TMEM117: variants seen among roughly 807,000 people sequenced by gnomAD.
TMEM117 encodes transmembrane protein 117.
In TMEM117, 27 loss-of-function variants were observed where a neutral mutation model predicts 52.4. The observed-to-expected ratio is 0.51, with a 90% confidence interval of 0.38 to 0.71. The LOEUF is 0.71. Ranked by LOEUF, TMEM117 falls within the 30% of genes least tolerant of loss-of-function variation. The pLI is 0.00. For synonymous variants in TMEM117, 215 were observed against 206.3 expected (o/e 1.04, Z -0.36); for missense variants, 556 against 630.5 (o/e 0.88, Z 1.26).
At chr12:43,965,415 G>A (rs1945468165) in intron 3 of TMEM117, among the ~76,000 whole-genome samples, 1 of 152,168 alleles carries the variant, frequency 6.6e-6, no homozygotes, top group African/African-American at 2.4e-5. Context: ...GCACTAGACT[G>A]GAAAATTGTA....
Position 43,844,739 on chromosome 12 carries a change from T to C in TMEM117, c.88T>C (p.Phe30Leu). The change falls in exon 2 of 8, where the codon TTT (phenylalanine) becomes CTT (leucine). Residue 30 changes from phenylalanine to leucine, a missense_variant. Coordinates refer to ENST00000266534, the MANE Select transcript of TMEM117 (RefSeq NM_032256.3). The stretch of plus-strand genomic sequence containing the variant: ...GGTGATCTTCTTTAACTTCTTAATA[T>C]TTGCGGAGGACCCAGTTTCTCATAG... Reference protein sequence around the residue: ...YLVIFFNFLIFAEDPVSHSQT... With the variant: ...YLVIFFNFLILAEDPVSHSQT... 6.2e-7 allele frequency: 1 copy of C among 1,614,166 alleles called. No individual in the cohort carries two copies. The highest frequency in any genetic ancestry group is 1.1e-5 in the South Asian group (1 of 91,074).
intron 6 of TMEM117, among the ~76,000 whole-genome samples, chr12:44,332,600 T>A: frequency 6.6e-6 from 1 of 152,096 alleles, no homozygotes; most frequent in Admixed American, 6.6e-5. Flanking sequence ...TTTCATAGAA[T>A]TAGGAGAAGT....
At chr12:44,025,982 AGAT>A (rs1385382757) in intron 3 of TMEM117, among the ~76,000 whole-genome samples, 6 of 152,236 alleles carry the variant, frequency 3.9e-5, no homozygotes, top group African/African-American at 1.4e-4. Context: ...TCTCATTCAA[AGAT>A]GACTGTAGTT....
At chr12:44,008,976 A>G in intron 3 of TMEM117, 1 of 374,330 alleles carries the variant, frequency 2.7e-6, no homozygotes, top group Non-Finnish European at 5.3e-6. Context: ...TGACGCTTAT[A>G]GGTCTTCTGT....
chr12:44,367,193 C>CGTT (rs2138824725), intron 6 of TMEM117, among the ~76,000 whole-genome samples: 1 of 152,246 alleles, frequency 6.6e-6, no homozygotes, highest in South Asian at 2.1e-4. Flanking sequence ...AACAGCAAAG[C>CGTT]TCCTCATTAG....
rs183213198 is a variant in TMEM117, at chr12:44,337,407, T to C, written c.768+37668T>C. Reference sequence around the variant, plus strand: ...TGAGGTGATTAATAGTATGACATTGTTGACTAAGTTTCAACAAATTAATTT... The same window carrying C: ...TGAGGTGATTAATAGTATGACATTGCTGACTAAGTTTCAACAAATTAATTT... On this transcript the variant is annotated intron_variant, in intron 6 of 7. Transcript: ENST00000266534. Among the ~76,000 whole-genome samples, 223 of 152,168 alleles carry C rather than the reference T, an allele frequency of 1.5e-3. 1 individual carries two copies. Among genetic ancestry groups the C allele is most frequent in the Non-Finnish European group, 2.4e-3 (161 of 67,994 alleles).
At chr12:44,184,663 C>T (rs1592589225) in intron 4 of TMEM117, among the ~76,000 whole-genome samples, 2 of 152,174 alleles carry the variant, frequency 1.3e-5, no homozygotes, top group Non-Finnish European at 2.9e-5. Context: ...ATTCTGTCAA[C>T]AACCAGAATG....
intron 4 of TMEM117, among the ~76,000 whole-genome samples, chr12:44,203,202 A>G (rs7313269): frequency 6.6e-6 from 1 of 151,918 alleles, no homozygotes; most frequent in Non-Finnish European, 1.5e-5. Flanking sequence ...GTTATATGTT[A>G]CCAGGAATTT....
At chr12:43,853,999 C>T (rs545973287) in intron 2 of TMEM117, among the ~76,000 whole-genome samples, 2 of 152,266 alleles carry the variant, frequency 1.3e-5, no homozygotes, top group Admixed American at 6.5e-5. Flanking sequence ...AATTCATGCT[C>T]ATTTTGACTG....
At chr12:44,169,727 G>A (rs1359951198) in intron 4 of TMEM117, among the ~76,000 whole-genome samples, 1 of 152,012 alleles carries the variant, frequency 6.6e-6, no homozygotes, top group Admixed American at 6.6e-5. Context: ...TTTATTGCAT[G>A]TACTTTTGGT....
intron 3 of TMEM117, among the ~76,000 whole-genome samples, chr12:44,003,988 G>A (rs1331033155): frequency 6.6e-6 from 1 of 152,170 alleles, no homozygotes; most frequent in Admixed American, 6.5e-5. Flanking sequence ...ACAACCTCAG[G>A]GATGAGAATA....
At chr12:44,078,425 A>T (rs1947417509) in intron 3 of TMEM117, among the ~76,000 whole-genome samples, 1 of 152,198 alleles carries the variant, frequency 6.6e-6, no homozygotes, top group African/African-American at 2.4e-5. Flanking sequence ...CCCCAGCTGG[A>T]TACAGCATTT....
intron 3 of TMEM117, among the ~76,000 whole-genome samples, chr12:44,019,087 A>T (rs1946416881): frequency 6.6e-6 from 1 of 152,120 alleles, no homozygotes; most frequent in Admixed American, 6.6e-5. Context: ...GAGGCCAGGG[A>T]AGGAGGAGAT....
At chr12:43,938,779 A>G (rs1944995105) in intron 2 of TMEM117, among the ~76,000 whole-genome samples, 2 of 152,064 alleles carry the variant, frequency 1.3e-5, no homozygotes, top group African/African-American at 4.8e-5. Context: ...GTGGATGGAT[A>G]GCTGAGGTCA....
intron 2 of TMEM117, among the ~76,000 whole-genome samples, chr12:43,863,007 AAC>A (rs1401644706): frequency 6.6e-6 from 1 of 152,004 alleles, no homozygotes; most frequent in Non-Finnish European, 1.5e-5. Context: ...GAAAAACAAA[AAC>A]ATTGGCCAGG....
intron 2 of TMEM117, among the ~76,000 whole-genome samples, chr12:43,920,032 C>T (rs1194651640): frequency 6.6e-6 from 1 of 151,958 alleles, no homozygotes; most frequent in East Asian, 1.9e-4. Flanking sequence ...ATTCAATCTT[C>T]TCCCTGTGGC....
At chr12:44,303,228 T>C (rs1202477592) in intron 6 of TMEM117, among the ~76,000 whole-genome samples, 1 of 151,930 alleles carries the variant, frequency 6.6e-6, no homozygotes, top group Non-Finnish European at 1.5e-5. Flanking sequence ...TTTTTTTTTT[T>C]AGTAGAGATG....
At chr12:44,240,624 G>T (rs1323747961) in intron 5 of TMEM117, among the ~76,000 whole-genome samples, 5 of 151,988 alleles carry the variant, frequency 3.3e-5, no homozygotes, top group Non-Finnish European at 5.9e-5. Flanking sequence ...ATAGACATAT[G>T]TTTATGTTAA....
At chr12:44,095,651 G>T (rs1158469388) in intron 3 of TMEM117, among the ~76,000 whole-genome samples, 1 of 152,020 alleles carries the variant, frequency 6.6e-6, no homozygotes. Flanking sequence ...AAAAAGCTCG[G>T]TTCAAAGTTG....
Sources: gnomAD v4.1 joint callset for allele counts (sites outside exome capture counted in the v4.1 genomes callset) on GRCh38, gnomAD v4.1.1 for gene constraint, MANE v1.5 for transcripts, NCBI Gene and HGNC (gene_info 2026-07-23, HGNC 2026-07-21) for gene names.